Variants in TOP2A observed in about 807,000 individuals in gnomAD.
The protein encoded by TOP2A is DNA topoisomerase 2-alpha.
Under a neutral mutation model 187.2 loss-of-function variants are expected in TOP2A, and 68 were observed. The observed-to-expected ratio is 0.36, with a 90% CI of 0.30 to 0.44. The LOEUF is 0.44. TOP2A is among the 20% of genes least tolerant of loss of function. TOP2A has a pLI of 1.00. For synonymous variants in TOP2A, 542 were observed against 593.2 expected (o/e 0.91, Z 1.25); for missense variants, 1,196 against 1,808.7 (o/e 0.66, Z 6.14).
At chr17:40,391,935 C>T (rs368810444) in intron 32 of TOP2A, 133 bp downstream of exon 32, 1 of 992,168 alleles carries the variant, frequency 1.0e-6, no homozygotes, top group South Asian at 1.7e-5. Context: ...TGAACAGTAT[C>T]AACATAATGT....
rs1156305104 is a variant in TOP2A, at chr17:40,398,782, T to C, written c.3444A>G (p.Arg1148=). Residue 1148 remains arginine (R), a synonymous_variant, in exon 26 of 35, where the codon AGA becomes AGG. Coordinates refer to ENST00000423485, the MANE Select transcript of TOP2A (RefSeq NM_001067.4). ...KEKKDELCRL[R]NEKEQELDTL... ...CCTACTATCAACTCACTTTTTCATT[T>C]CTTAGCCTGCAGAGTTCATCTTTCT... 9 of 1,609,100 alleles carry C rather than the reference T, an allele frequency of 5.6e-6. No individual in the cohort carries two copies. The highest frequency in any genetic ancestry group is 1.7e-5 in the Admixed American group (1 of 58,736).
rs1468162563 is a variant in TOP2A, at chr17:40,401,783, G to A, written c.2433-702C>T. On this transcript the variant is annotated intron_variant, in intron 20 of 34. Transcript: ENST00000423485. ...GATATCTAGAGAAAGAGTGTTGCAGGCAAAGGAACCAGTAAGTAAAAGGCC... is the reference window on the plus strand; with the variant it reads ...GATATCTAGAGAAAGAGTGTTGCAGACAAAGGAACCAGTAAGTAAAAGGCC... 3.3e-5 allele frequency among the ~76,000 whole-genome samples: 5 copies of A among 151,892 alleles called. No homozygotes were observed. In the South Asian group the frequency reaches 8.3e-4, roughly 25 times the overall value.
At chr17:40,398,110 CTT>C (rs1048890086) in intron 27 of TOP2A, among the ~76,000 whole-genome samples, 249 of 127,622 alleles carry the variant, frequency 2.0e-3, no homozygotes, top group East Asian at 0.016. Context: ...TAATCTGTCC[CTT>C]TTTTTTTTTT....
rs757529574 is a variant in TOP2A, at chr17:40,391,509, T to G, written c.4264A>C (p.Lys1422Gln). 20 of 1,609,012 alleles carry G rather than the reference T, an allele frequency of 1.2e-5. No individual in the cohort carries two copies. The East Asian group carries it at 4.0e-4, about 32-fold the overall frequency. Residue 1422 changes from lysine to glutamine, a missense_variant, in exon 33 of 35, where the codon AAA becomes CAA. By Grantham distance (53) the Lys-to-Gln change is moderately conservative. Transcript: ENST00000423485. ...CATCTCAAAGATTTAGGCTTACTTT[T>G]TGCTGCTGTCTTCTTCACTGTCACA... The part of the protein sequence containing the change: ...KNVTVKKTAA[K>Q]SQSSTSTTGA...
At position 40,411,610 on chromosome 17, in the gene TOP2A, A is replaced by T; in HGVS notation, c.963+35T>A. On this transcript the variant is annotated intron_variant, in intron 8 of 34. Coordinates refer to ENST00000423485, the MANE Select transcript of TOP2A (RefSeq NM_001067.4). The surrounding 1 kb of genome is among the most constrained non-coding windows in gnomAD (Gnocchi z 4.4). The stretch of plus-strand genomic sequence containing the variant: ...ACAATAAGAACACATATATGTAAAG[A>T]TAAATCATGATTAATAATTTAAGAA... 2 of 1,586,390 alleles carry T rather than the reference A, an allele frequency of 1.3e-6. No homozygotes were observed. Among genetic ancestry groups the T allele is most frequent in the Non-Finnish European group, 1.7e-6 (2 of 1,162,160 alleles).
intron 20 of TOP2A, among the ~76,000 whole-genome samples, chr17:40,401,727 C>T (rs1249046976): frequency 6.6e-6 from 1 of 151,644 alleles, no homozygotes; most frequent in African/African-American, 2.4e-5. Context: ...AAAAAAACAA[C>T]AAAAAACAAA....
At position 40,406,825 on chromosome 17, in the gene TOP2A, A is replaced by G. The variant is rs749640719; in HGVS notation, c.1737+7T>C. The G allele has an allele frequency of 1.3e-5, 20 of 1,595,874 alleles. No individual in the cohort carries two copies. The highest frequency in any genetic ancestry group is 1.7e-5 in the Non-Finnish European group (20 of 1,166,752). The stretch of plus-strand genomic sequence containing the variant: ...ATATCCATGATGGTACTTAGAAATT[A>G]GCGTACCTTTACAATGGGAGTGATA... On this transcript the variant is annotated splice_region_variant and intron_variant, in intron 14 of 34. Transcript: ENST00000423485.
At chr17:40,397,668 A>G (rs946694875) in intron 27 of TOP2A, among the ~76,000 whole-genome samples, 1 of 151,884 alleles carries the variant, frequency 6.6e-6, no homozygotes, top group African/African-American at 2.4e-5. Context: ...CTCAGTCCTA[A>G]TATGTTCTTC....
intron 27 of TOP2A, among the ~76,000 whole-genome samples, chr17:40,396,935 CA>C (rs2035108215): frequency 6.8e-6 from 1 of 147,246 alleles, no homozygotes; most frequent in Admixed American, 6.9e-5. Context: ...AGGCTGAGTA[CA>C]ATGGTACATG....
rs2035216657 is a variant in TOP2A at position 40,404,565 on chromosome 17, T to C, written c.2047-74A>G. The stretch of plus-strand genomic sequence containing the variant: ...CAACACAAAAATCAAACAGAAACCT[T>C]TCAGAACTAAGAATTATTTCTGTAA... On this transcript the variant is annotated intron_variant, in intron 17 of 34. Coordinates refer to ENST00000423485, the MANE Select transcript of TOP2A (RefSeq NM_001067.4). The C allele has an allele frequency of 5.8e-6, 5 of 863,494 alleles. No homozygotes were observed. In the South Asian group the frequency reaches 8.3e-5, roughly 14 times the overall value. The allele number at this position is 863,494 out of a possible 1,614,324, so 53.5% of individuals were successfully genotyped here.
chr17:40,411,554 C>T lies in TOP2A; in HGVS notation c.963+91G>A, dbSNP rs1332983298. 1 of 1,544,090 alleles carries T rather than the reference C, an allele frequency of 6.5e-7. No homozygotes were observed. The highest frequency in any genetic ancestry group is 8.9e-7 in the Non-Finnish European group (1 of 1,119,966). ...TTAACCTCCTTTATACTAAGCTAGCCCAATATTCAAGTCCACTTTATATAT... is the reference window on the plus strand; with the variant it reads ...TTAACCTCCTTTATACTAAGCTAGCTCAATATTCAAGTCCACTTTATATAT... On this transcript the variant is annotated intron_variant, in intron 8 of 34. Transcript: ENST00000423485. This position sits in a 1 kb window ranked among gnomAD's most constrained non-coding sequence, Gnocchi z 4.4.
At position 40,411,029 on chromosome 17, in the gene TOP2A, TCATTGTTTCTGCAGAGCTAAGAAGTG is replaced by T. The variant is rs1366490793; in HGVS notation, c.1203+54_1203+79del. 1 of 1,369,266 alleles carries T rather than the reference TCATTGTTTCTGCAGAGCTAAGAAGTG, an allele frequency of 7.3e-7. No homozygotes were observed. The highest frequency in any genetic ancestry group is 2.5e-5 in the East Asian group (1 of 40,378). The allele number at this position is 1,369,266 out of a possible 1,614,324, so 84.8% of individuals were successfully genotyped here. On this transcript the variant is annotated intron_variant, in intron 10 of 34. Transcript: ENST00000423485. This position sits in a 1 kb window ranked among gnomAD's most constrained non-coding sequence, Gnocchi z 4.4. Reference sequence around the variant, plus strand: ...TTGGAGAAGCTCACTATGAGAAGAATCATTGTTTCTGCAGAGCTAAGAAGTGCAATGGAAAATAAAGTCAGGTGTTT... The same window carrying T: ...TTGGAGAAGCTCACTATGAGAAGAATCAATGGAAAATAAAGTCAGGTGTTT...
intron 29 of TOP2A, among the ~76,000 whole-genome samples, chr17:40,395,119 C>T (rs140144680): frequency 0.016 from 2,399 of 152,038 alleles, 30 homozygotes; most frequent in Non-Finnish European, 0.023. Context: ...CCCGTCTCTA[C>T]TAAAAATACA....
intron 27 of TOP2A, 129 bp from the exon 28 acceptor site, chr17:40,396,594 A>C (rs1277024205): frequency 2.6e-6 from 3 of 1,148,624 alleles, no homozygotes; most frequent in Non-Finnish European, 3.6e-6. Context: ...TCCATAACCT[A>C]GTATACTATC....
rs1567783711 is a variant in TOP2A at position 40,398,661 on chromosome 17, A to G, written c.3454-20T>C. 3 of 1,603,170 alleles carry G rather than the reference A, an allele frequency of 1.9e-6. No individual in the cohort carries two copies. The South Asian group carries it at 3.4e-5, about 18-fold the overall frequency. ...TTGTTCCTTCATAAGATAATTACAA[A>G]ATTGAGTTAATATATGTATACAAGC... On this transcript the variant is annotated intron_variant, in intron 26 of 34. Transcript: ENST00000423485.
At chr17:40,399,363 GTC>G (rs1450783697) in intron 24 of TOP2A, 1 of 476,222 alleles carries the variant, frequency 2.1e-6, no homozygotes, top group Non-Finnish European at 3.8e-6. Flanking sequence ...TGGAGACAGG[GTC>G]TCTCTCACTC....
chr17:40,396,750 A>G (rs1441010538), intron 27 of TOP2A, among the ~76,000 whole-genome samples: 3 of 152,322 alleles, frequency 2.0e-5, no homozygotes, highest in East Asian at 3.9e-4. Flanking sequence ...ATACATATAT[A>G]TTTGTAAACT....
At position 40,396,793 on chromosome 17, in the gene TOP2A, C is replaced by T. The variant is rs114560394; in HGVS notation, c.3538-328G>A. ...AAAATATGAAAGGAAGTGATGCACA[C>T]TTATCCAACCAACTGATTACAATGA... On this transcript the variant is annotated intron_variant, in intron 27 of 34. Transcript: ENST00000423485. 5.1e-3 allele frequency among the ~76,000 whole-genome samples: 772 copies of T among 151,998 alleles called. 5 individuals are homozygous for T. The highest frequency in any genetic ancestry group is 0.018 in the African/African-American group (738 of 41,474).
At chr17:40,404,121 T>G (rs1281936474) in intron 19 of TOP2A, 31 bp downstream of exon 19, 1 of 1,609,106 alleles carries the variant, frequency 6.2e-7, no homozygotes, top group Admixed American at 1.7e-5. Context: ...TCTGATATAA[T>G]GCTTTCTGGA....
Sources: allele counts gnomAD v4.1 joint callset (sites outside exome capture counted in the v4.1 genomes callset), GRCh38; gene constraint gnomAD v4.1.1; non-coding constraint Gnocchi (gnomAD v3.1); transcripts MANE v1.5; gene names NCBI Gene and HGNC (gene_info 2026-07-23, HGNC 2026-07-21).